AK5: variants seen among roughly 807,000 people sequenced by gnomAD.
The protein encoded by AK5 is adenylate kinase isoenzyme 5.
A neutral mutation model predicts 69.5 loss-of-function variants in AK5; 27 were observed. That is an observed-to-expected ratio of 0.39 (90% confidence interval 0.29 to 0.54). AK5 has a LOEUF of 0.54. AK5 is among the 20% of genes least tolerant of loss of function. AK5 has a pLI of 0.71. For missense variants in AK5, 531 were observed against 700.4 expected (o/e 0.76, Z 2.73); for synonymous variants, 260 against 244.4 (o/e 1.06, Z -0.60).
chr1:77,499,867 T>TC (rs1486038143), intron 10 of AK5, among the ~76,000 whole-genome samples: 1 of 116,804 alleles, frequency 8.6e-6, no homozygotes, highest in African/African-American at 3.3e-5. Flanking sequence ...ATGCCCTTTT[T>TC]CCATTTTTTT....
At chr1:77,393,119 A>T (rs1233234174) in intron 6 of AK5, among the ~76,000 whole-genome samples, 2 of 152,046 alleles carry the variant, frequency 1.3e-5, no homozygotes, top group East Asian at 3.9e-4. Flanking sequence ...TTTATTAATT[A>T]ATTTATTTTT....
chr1:77,540,788 C>T (rs1219351639), intron 13 of AK5: 1 of 152,202 alleles, frequency 6.6e-6, no homozygotes, highest in Admixed American at 6.5e-5. Context: ...AAAAGTAACA[C>T]ATACTTGCTT....
chr1:77,371,976 G>A (rs925245613), intron 6 of AK5, among the ~76,000 whole-genome samples: 3 of 152,132 alleles, frequency 2.0e-5, no homozygotes, highest in Non-Finnish European at 2.9e-5. Flanking sequence ...CCCCATGAAG[G>A]TGTGAGTTCA....
rs545270510 is a variant in AK5, at chr1:77,378,022, A to C, written c.892-32959A>C. Reference sequence around the variant, plus strand: ...TTATGAATGTTTTTTTCTAAACATCATGAGACAATTTTATTCAAATTTCTT... The same window carrying C: ...TTATGAATGTTTTTTTCTAAACATCCTGAGACAATTTTATTCAAATTTCTT... On this transcript the variant is annotated intron_variant, in intron 6 of 13. Coordinates refer to ENST00000354567, the MANE Select transcript of AK5 (RefSeq NM_174858.3). Among the ~76,000 whole-genome samples the C allele has an allele frequency of 3.3e-5, 5 of 152,250 alleles. No homozygotes were observed. The South Asian group carries it at 1.0e-3, about 32-fold the overall frequency.
chr1:77,430,317 G>A lies in AK5; in HGVS notation c.1059+12602G>A, dbSNP rs778101338. Among the ~76,000 whole-genome samples, 13 of 152,246 alleles carry A rather than the reference G, an allele frequency of 8.5e-5. No individual in the cohort carries two copies. In the South Asian group the frequency reaches 1.0e-3, roughly 12 times the overall value. On this transcript the variant is annotated intron_variant, in intron 8 of 13. Coordinates refer to ENST00000354567, the MANE Select transcript of AK5 (RefSeq NM_174858.3). Reference sequence around the variant, plus strand: ...GGAATGGATATGGGAGCCAACAGGGGGTGAGCTGTTGAAGATGACTTCTGG... The same window carrying A: ...GGAATGGATATGGGAGCCAACAGGGAGTGAGCTGTTGAAGATGACTTCTGG...
chr1:77,470,314 G>C (rs1166588092), intron 8 of AK5, among the ~76,000 whole-genome samples: 1 of 152,096 alleles, frequency 6.6e-6, no homozygotes, highest in Non-Finnish European at 1.5e-5. Context: ...AGACCATCCT[G>C]GGCAACCTAG....
chr1:77,390,555 C>T (rs3896706), intron 6 of AK5, among the ~76,000 whole-genome samples: 32,391 of 151,946 alleles, frequency 0.21, 3,648 homozygotes, highest in East Asian at 0.4. Context: ...CAAGCCCAGA[C>T]CACTTGTAAT....
intron 6 of AK5, among the ~76,000 whole-genome samples, chr1:77,368,274 TTATATATGTTATATATATGTTATATATAA>T (rs1647050794): frequency 2.4e-4 from 14 of 58,354 alleles, no homozygotes; most frequent in African/African-American, 5.5e-4. Flanking sequence ...TATATATATG[TTATATATGTTATATATATGTTATATATAA>T]TATATATGTT....
chr1:77,304,658 G>C (rs1403383735), intron 5 of AK5, among the ~76,000 whole-genome samples: 1 of 152,100 alleles, frequency 6.6e-6, no homozygotes, highest in Admixed American at 6.5e-5. Context: ...ACCCGCCTCT[G>C]CCTCCCAAAG....
chr1:77,524,721 T>C (rs1658177929), intron 12 of AK5, among the ~76,000 whole-genome samples: 1 of 152,258 alleles, frequency 6.6e-6, no homozygotes, highest in Non-Finnish European at 1.5e-5. Context: ...TTGTGTCCTT[T>C]GATGCACAAA....
chr1:77,432,740 A>G (rs1651721683), intron 8 of AK5, among the ~76,000 whole-genome samples: 1 of 152,190 alleles, frequency 6.6e-6, no homozygotes, highest in African/African-American at 2.4e-5. Flanking sequence ...GTATTAGTGG[A>G]AGCGTAGACT....
At chr1:77,298,638 T>C (rs1659151499) in intron 5 of AK5, among the ~76,000 whole-genome samples, 2 of 131,728 alleles carry the variant, frequency 1.5e-5, no homozygotes, top group South Asian at 4.8e-4. Context: ...ACCCCATCTC[T>C]ACAAAAAAAA....
In AK5 at chr1:77,367,715, TATATA is replaced by T. The variant is rs1457396518; in HGVS notation, c.891+27153_891+27157del. On this transcript the variant is annotated intron_variant, in intron 6 of 13. Coordinates refer to ENST00000354567, the MANE Select transcript of AK5 (RefSeq NM_174858.3). Reference sequence around the variant, plus strand: ...TACGTTATATGTTATATATATGTTATATATAATATATGTTATATATACGTTATATG... The same window carrying T: ...TACGTTATATGTTATATATATGTTATATATATGTTATATATACGTTATATG... Among the ~76,000 whole-genome samples the T allele has an allele frequency of 2.3e-3, 210 of 91,498 alleles. 8 individuals are homozygous for T. Among genetic ancestry groups the T allele is most frequent in the African/African-American group, 9.3e-3 (202 of 21,784 alleles). The allele number at this position is 91,498 out of a possible 152,430, so 60.0% of individuals were successfully genotyped here.
At chr1:77,320,889 A>T (rs1161698948) in intron 5 of AK5, among the ~76,000 whole-genome samples, 3 of 152,268 alleles carry the variant, frequency 2.0e-5, no homozygotes, top group Non-Finnish European at 4.4e-5. Flanking sequence ...CATCAGAAAG[A>T]CATACAATTT....
intron 8 of AK5, among the ~76,000 whole-genome samples, chr1:77,460,114 G>A (rs1288699303): frequency 6.6e-6 from 1 of 152,122 alleles, no homozygotes; most frequent in African/African-American, 2.4e-5. Flanking sequence ...TAATAAAGGA[G>A]TCACTGAGGC....
intron 8 of AK5, among the ~76,000 whole-genome samples, chr1:77,428,846 A>T (rs1471295527): frequency 2.0e-5 from 3 of 151,916 alleles, no homozygotes; most frequent in Admixed American, 6.6e-5. Flanking sequence ...GAGTGAGAAC[A>T]TGCGGTGTTT....
chr1:77,297,332 A>G (rs1224325913), intron 3 of AK5, among the ~76,000 whole-genome samples: 1 of 152,190 alleles, frequency 6.6e-6, no homozygotes, highest in Non-Finnish European at 1.5e-5. Context: ...TAGGTAGAGG[A>G]AAAACCTGTA....
At chr1:77,301,722 T>A (rs1659352010) in intron 5 of AK5, among the ~76,000 whole-genome samples, 1 of 152,196 alleles carries the variant, frequency 6.6e-6, no homozygotes, top group Admixed American at 6.5e-5. Flanking sequence ...ATCTTCCTTG[T>A]CTACCACTAA....
At chr1:77,384,777 A>G (rs1374539816) in intron 6 of AK5, among the ~76,000 whole-genome samples, 3 of 152,226 alleles carry the variant, frequency 2.0e-5, no homozygotes, top group South Asian at 4.1e-4. Flanking sequence ...AATAGCATCT[A>G]TCAAAATGGA....
Sources: gnomAD v4.1 joint callset for allele counts (sites outside exome capture counted in the v4.1 genomes callset) on GRCh38, gnomAD v4.1.1 for gene constraint, MANE v1.5 for transcripts, NCBI Gene and HGNC (gene_info 2026-07-23, HGNC 2026-07-21) for gene names.